LINGO2: variants seen among roughly 807,000 people sequenced by gnomAD.
The protein encoded by LINGO2 is leucine rich repeat and Ig domain containing 2.
A neutral mutation model predicts 30.6 loss-of-function variants in LINGO2; 14 were observed. That is an observed-to-expected ratio of 0.46 (90% CI 0.30 to 0.72). The LOEUF (loss-of-function observed/expected upper bound fraction) is 0.72, where lower values mean the gene tolerates loss of function less well. Ranked by LOEUF, LINGO2 falls within the 30% of genes least tolerant of loss-of-function variation. LINGO2 has a pLI of 0.07. For missense variants in LINGO2, 729 were observed against 751.7 expected (o/e 0.97, Z 0.35); for synonymous variants, 317 against 288.5 (o/e 1.10, Z -1.00).
intron 3 of LINGO2, among the ~76,000 whole-genome samples, chr9:28,342,054 T>C (rs547276356): frequency 8.5e-5 from 13 of 152,240 alleles, no homozygotes; most frequent in African/African-American, 2.9e-4. Context: ...TTAAAACTTA[T>C]GGGGAAAGTT....
At chr9:28,054,346 AAC>A (rs1268097264) in intron 4 of LINGO2, among the ~76,000 whole-genome samples, 3 of 152,078 alleles carry the variant, frequency 2.0e-5, no homozygotes, top group Admixed American at 6.6e-5. Context: ...GGCTATTTTT[AAC>A]ACTTTTACTT....
At chr9:28,710,464 A>T in the LINGO2 span, among the ~76,000 whole-genome samples, 2 of 152,166 alleles carry the variant, frequency 1.3e-5, no homozygotes, top group Non-Finnish European at 2.9e-5. Context: ...GCACATAACT[A>T]TTAGATGCCT....
chr9:28,064,454 A>G (rs1825251797), intron 4 of LINGO2, among the ~76,000 whole-genome samples: 1 of 152,152 alleles, frequency 6.6e-6, no homozygotes, highest in Non-Finnish European at 1.5e-5. Flanking sequence ...GTCTCGGTAT[A>G]GTAACCTAAT....
chr9:29,028,429 T>A, the LINGO2 span, among the ~76,000 whole-genome samples: 17 of 112,798 alleles, frequency 1.5e-4, no homozygotes, highest in African/African-American at 4.1e-4. Flanking sequence ...TGGGGGGGGG[T>A]GAGAGAGAGA....
At chr9:29,077,736 G>C in the LINGO2 span, among the ~76,000 whole-genome samples, 2 of 151,948 alleles carry the variant, frequency 1.3e-5, no homozygotes, top group African/African-American at 4.8e-5. Context: ...TTTAAGAGCA[G>C]ATGAATAATA....
rs530078416 is a variant in LINGO2 at position 28,350,581 on chromosome 9, G to C, written c.-246+22255C>G. On this transcript the variant is annotated intron_variant, in intron 3 of 5. Coordinates refer to ENST00000379992, the Ensembl canonical transcript of LINGO2. ...CTTTAACACCCCACTGTCAACATTA[G>C]ACAGATCAACGAGACAGAAAGTCAA... 5.5e-3 allele frequency among the ~76,000 whole-genome samples: 807 copies of C among 145,820 alleles called. 19 individuals are homozygous for C. Among genetic ancestry groups the C allele is most frequent in the African/African-American group, 0.018 (731 of 39,622 alleles).
At chr9:28,560,218 G>A (rs1347181082) in intron 1 of LINGO2, among the ~76,000 whole-genome samples, 1 of 152,056 alleles carries the variant, frequency 6.6e-6, no homozygotes, top group South Asian at 2.1e-4. Context: ...AGATAATCTG[G>A]CTAAGCATTA....
intron 4 of LINGO2, among the ~76,000 whole-genome samples, chr9:28,177,044 G>A (rs987847125): frequency 2.0e-5 from 3 of 152,136 alleles, no homozygotes; most frequent in African/African-American, 7.2e-5. Flanking sequence ...CCAAGTCTTA[G>A]GAATCCCTGA....
At chr9:28,490,402 T>C (rs902693300) in intron 1 of LINGO2, among the ~76,000 whole-genome samples, 3 of 152,184 alleles carry the variant, frequency 2.0e-5, no homozygotes, top group Admixed American at 1.3e-4. Flanking sequence ...GAAAGTCTGA[T>C]TGAGTAAACT....
chr9:28,576,697 A>T (rs897336060), intron 1 of LINGO2, among the ~76,000 whole-genome samples: 1 of 152,116 alleles, frequency 6.6e-6, no homozygotes, highest in Admixed American at 6.5e-5. Context: ...AGAATACTTC[A>T]TAGTAGATAT....
chr9:28,970,052 C>A, the LINGO2 span, among the ~76,000 whole-genome samples: 1 of 151,614 alleles, frequency 6.6e-6, no homozygotes, highest in East Asian at 1.9e-4. Context: ...CAAAGGAAGA[C>A]AGTGTACGTG....
the LINGO2 span, among the ~76,000 whole-genome samples, chr9:28,943,799 G>C: frequency 2.6e-5 from 4 of 152,194 alleles, no homozygotes; most frequent in African/African-American, 9.6e-5. Flanking sequence ...TAAGATGTGC[G>C]AGATGAGATG....
At chr9:28,057,335 G>A (rs988427447) in intron 4 of LINGO2, among the ~76,000 whole-genome samples, 1 of 150,872 alleles carries the variant, frequency 6.6e-6, no homozygotes, top group Non-Finnish European at 1.5e-5. Context: ...AATGTGTATT[G>A]TAAATCTACA....
chr9:28,940,080 C>T, the LINGO2 span, among the ~76,000 whole-genome samples: 1 of 152,172 alleles, frequency 6.6e-6, no homozygotes, highest in Non-Finnish European at 1.5e-5. Flanking sequence ...CATTGCCTTG[C>T]ATCAGCCTCC....
the LINGO2 span, among the ~76,000 whole-genome samples, chr9:29,112,308 G>T: frequency 6.6e-6 from 1 of 152,122 alleles, no homozygotes; most frequent in Non-Finnish European, 1.5e-5. Context: ...CTTGGCAGAA[G>T]TGCAATTTTT....
chr9:28,348,341 G>A (rs546609614), intron 3 of LINGO2, among the ~76,000 whole-genome samples: 15 of 152,086 alleles, frequency 9.9e-5, no homozygotes, highest in East Asian at 5.8e-4. Flanking sequence ...CTTGGGAAGC[G>A]CAAGGGGTCA....
At chr9:28,435,652 A>G (rs1823892647) in intron 2 of LINGO2, among the ~76,000 whole-genome samples, 1 of 152,186 alleles carries the variant, frequency 6.6e-6, no homozygotes, top group Non-Finnish European at 1.5e-5. Flanking sequence ...TTGTCCCATG[A>G]TCTTCAGTCC....
At chr9:28,317,368 C>A (rs1401150354) in intron 3 of LINGO2, among the ~76,000 whole-genome samples, 2 of 152,218 alleles carry the variant, frequency 1.3e-5, no homozygotes, top group East Asian at 1.9e-4. Flanking sequence ...TTGTGTCAAA[C>A]AAATGTCTTA....
At chr9:28,643,050 G>A (rs572855358) in intron 1 of LINGO2, among the ~76,000 whole-genome samples, 12 of 151,996 alleles carry the variant, frequency 7.9e-5, no homozygotes, top group African/African-American at 2.7e-4. Context: ...GACACCAAAC[G>A]ATAGAAAGAT....
Sources: gnomAD v4.1 joint callset for allele counts (sites outside exome capture counted in the v4.1 genomes callset) on GRCh38, gnomAD v4.1.1 for gene constraint, MANE v1.5 for transcripts, NCBI Gene and HGNC (gene_info 2026-07-23, HGNC 2026-07-21) for gene names.